Variants in SCEL observed in about 807,000 individuals in gnomAD.
SCEL encodes the protein sciellin.
A neutral mutation model predicts 117.6 loss-of-function variants in SCEL; 113 were observed. That is an observed-to-expected ratio of 0.96 (90% CI 0.83 to 1.12). The LOEUF is 1.12. Ranked by LOEUF, SCEL falls within the 50% of genes most tolerant of loss-of-function variation. The pLI, the probability that SCEL is intolerant of heterozygous loss-of-function variation, is 0.00. For missense variants in SCEL, 785 were observed against 810.8 expected, an observed-to-expected ratio of 0.97 and a Z score of 0.39; for synonymous variants, 270 against 256.2, an observed-to-expected ratio of 1.05 and a Z score of -0.51.
intron 27 of SCEL, among the ~76,000 whole-genome samples, chr13:77,625,153 C>G (rs1163998368): frequency 6.6e-6 from 1 of 152,146 alleles, no homozygotes; most frequent in Non-Finnish European, 1.5e-5. Flanking sequence ...TGCCCACCAT[C>G]CCAGTTTGAC....
chr13:77,538,254 G>A (rs2083514944), intron 1 of SCEL, among the ~76,000 whole-genome samples: 1 of 151,654 alleles, frequency 6.6e-6, no homozygotes, highest in African/African-American at 2.4e-5. Flanking sequence ...GTAGCTGGGA[G>A]TACACGTGTG....
At chr13:77,634,790 T>G (rs2090196557) in intron 29 of SCEL, among the ~76,000 whole-genome samples, 1 of 152,132 alleles carries the variant, frequency 6.6e-6, no homozygotes, top group African/African-American at 2.4e-5. Flanking sequence ...TAATTTGGAG[T>G]TCCACTTGAA....
chr13:77,638,629 C>T (rs1594204960), intron 30 of SCEL, among the ~76,000 whole-genome samples: 2 of 152,162 alleles, frequency 1.3e-5, no homozygotes, highest in African/African-American at 2.4e-5. Context: ...AGTTATACAA[C>T]CTTTTGCTGT....
chr13:77,613,977 TG>T, intron 24 of SCEL, 22 bp downstream of exon 24: 2 of 1,602,160 alleles, frequency 1.2e-6, no homozygotes, highest in South Asian at 1.1e-5. Context: ...ATGTGATTTT[TG>T]TTGTGTTTCT....
intron 1 of SCEL, among the ~76,000 whole-genome samples, chr13:77,550,263 G>A (rs1387832806): frequency 2.6e-5 from 4 of 151,718 alleles, no homozygotes; most frequent in African/African-American, 9.7e-5. Context: ...GCACACACCT[G>A]TAGTCCAAGC....
chr13:77,580,842 C>A (rs1292360592), intron 9 of SCEL, among the ~76,000 whole-genome samples: 1 of 152,014 alleles, frequency 6.6e-6, no homozygotes, highest in African/African-American at 2.4e-5. Context: ...ATATTTTCTA[C>A]ATAATTTCTC....
chr13:77,608,646 A>G (rs774566823), intron 20 of SCEL, among the ~76,000 whole-genome samples: 1 of 152,214 alleles, frequency 6.6e-6, no homozygotes, highest in Non-Finnish European at 1.5e-5. Flanking sequence ...GTTGTTAGGA[A>G]TGAATGAAAT....
intron 21 of SCEL, 42 bp from the exon 22 acceptor site, chr13:77,610,005 C>T (rs377448042): frequency 6.7e-6 from 9 of 1,346,508 alleles, no homozygotes; most frequent in South Asian, 3.9e-5. Context: ...TGAAACCATT[C>T]GATTTAAATC....
At chr13:77,549,394 TAACAGAG>T (rs1339126200) in intron 1 of SCEL, among the ~76,000 whole-genome samples, 13 of 152,192 alleles carry the variant, frequency 8.5e-5, no homozygotes, top group Non-Finnish European at 1.8e-4. Flanking sequence ...TCAATTGAAA[TAACAGAG>T]AACACACTAC....
intron 8 of SCEL, among the ~76,000 whole-genome samples, chr13:77,569,898 C>T (rs543848922): frequency 6.6e-6 from 1 of 152,276 alleles, no homozygotes; most frequent in Non-Finnish European, 1.5e-5. Flanking sequence ...TGGTTCTTGC[C>T]TCCTCCACCG....
At chr13:77,579,459 T>C (rs530460355) in intron 9 of SCEL, among the ~76,000 whole-genome samples, 1 of 152,348 alleles carries the variant, frequency 6.6e-6, no homozygotes, top group African/African-American at 2.4e-5. Context: ...AGTTGTGCTG[T>C]ATTCTATGTG....
chr13:77,614,893 T>C (rs983058771), intron 24 of SCEL, among the ~76,000 whole-genome samples: 1 of 152,122 alleles, frequency 6.6e-6, no homozygotes, highest in Non-Finnish European at 1.5e-5. Flanking sequence ...GTACATTAGG[T>C]ATAATTATAG....
intron 27 of SCEL, among the ~76,000 whole-genome samples, chr13:77,619,839 A>T (rs572463200): frequency 4.9e-4 from 74 of 152,254 alleles, no homozygotes; most frequent in African/African-American, 1.8e-3. Context: ...TGAAAAATGT[A>T]GTCTCTCACT....
intron 9 of SCEL, among the ~76,000 whole-genome samples, chr13:77,575,171 C>T (rs571346521): frequency 6.6e-6 from 1 of 151,910 alleles, no homozygotes; most frequent in Non-Finnish European, 1.5e-5. Context: ...AAATCAAGTT[C>T]AGATTAAAAA....
intron 8 of SCEL, among the ~76,000 whole-genome samples, chr13:77,571,224 C>T (rs1330965053): frequency 2.0e-5 from 3 of 148,658 alleles, no homozygotes; most frequent in African/African-American, 7.4e-5. Flanking sequence ...GGGTGGATCA[C>T]GAGGTCAGGA....
intron 28 of SCEL, 107 bp downstream of exon 28, chr13:77,628,116 T>G (rs1188297319): frequency 4.6e-6 from 1 of 218,450 alleles, no homozygotes; most frequent in East Asian, 1.2e-4. Flanking sequence ...TTATATATTA[T>G]GTAATATATA....
At chr13:77,638,165 T>A (rs1209447631) in intron 30 of SCEL, among the ~76,000 whole-genome samples, 1 of 152,176 alleles carries the variant, frequency 6.6e-6, no homozygotes, top group Non-Finnish European at 1.5e-5. Flanking sequence ...CTCAGTAAAT[T>A]TTTTTTAAAA....
intron 11 of SCEL, among the ~76,000 whole-genome samples, chr13:77,592,334 T>G (rs1043119277): frequency 5.9e-5 from 9 of 152,144 alleles, no homozygotes; most frequent in African/African-American, 1.2e-4. Flanking sequence ...TGTCAATGCA[T>G]GTTCTGCAAA....
intron 1 of SCEL, among the ~76,000 whole-genome samples, chr13:77,555,180 A>G (rs960049887): frequency 4.6e-5 from 7 of 152,190 alleles, no homozygotes; most frequent in African/African-American, 1.7e-4. Flanking sequence ...CCTAGGACCC[A>G]TAAAGTCATA....
Sources: allele counts gnomAD v4.1 joint callset (sites outside exome capture counted in the v4.1 genomes callset), GRCh38; gene constraint gnomAD v4.1.1; transcripts MANE v1.5; gene names NCBI Gene and HGNC (gene_info 2026-07-23, HGNC 2026-07-21).